MLLT10: variants seen among roughly 807,000 people sequenced by gnomAD.
MLLT10 encodes protein AF-10.
A neutral mutation model predicts 129.1 loss-of-function variants in MLLT10; 30 were observed. The ratio of observed to expected loss-of-function variants is 0.23; its 90% confidence interval spans 0.17 to 0.32. MLLT10 has a LOEUF of 0.32. Ranked by LOEUF, MLLT10 falls within the 10% of genes least tolerant of loss-of-function variation. MLLT10 has a pLI of 1.00. For synonymous variants in MLLT10, 490 were observed against 446.4 expected, an observed-to-expected ratio of 1.10 and a Z score of -1.23; for missense variants, 1,119 against 1,268.3, an observed-to-expected ratio of 0.88 and a Z score of 1.79.
intron 3 of MLLT10, among the ~76,000 whole-genome samples, chr10:21,555,575 C>T (rs1345025465): frequency 3.9e-5 from 6 of 152,024 alleles, no homozygotes; most frequent in African/African-American, 1.2e-4. Flanking sequence ...CTTTCTTCTG[C>T]TCCTTGAACT....
intron 3 of MLLT10, among the ~76,000 whole-genome samples, chr10:21,582,320 A>C (rs1170097418): frequency 1.3e-5 from 2 of 151,872 alleles, no homozygotes; most frequent in African/African-American, 4.8e-5. Flanking sequence ...GGGTTTCACC[A>C]TGTTGGCCAG....
intron 3 of MLLT10, chr10:21,564,603 A>C (rs1424764142): frequency 6.6e-6 from 1 of 151,860 alleles, no homozygotes; most frequent in Non-Finnish European, 1.5e-5. Context: ...TCCTCTGTTC[A>C]TCAGTTTTGG....
intron 3 of MLLT10, chr10:21,556,907 G>A (rs1490047857): frequency 3.2e-6 from 5 of 1,550,528 alleles, no homozygotes; most frequent in Non-Finnish European, 4.4e-6. Flanking sequence ...ATTTATCTCA[G>A]TTGTCATTTG....
chr10:21,592,753 C>T (rs903590391), intron 4 of MLLT10, among the ~76,000 whole-genome samples: 3 of 152,046 alleles, frequency 2.0e-5, no homozygotes, highest in Non-Finnish European at 2.9e-5. Flanking sequence ...CGTGAGCCAC[C>T]GCGCCCGGCC....
chr10:21,715,166 G>GAT (rs1454127904), intron 14 of MLLT10, among the ~76,000 whole-genome samples: 13 of 152,066 alleles, frequency 8.5e-5, no homozygotes, highest in Non-Finnish European at 8.8e-5. Context: ...GTGTTGTTAG[G>GAT]ATATATATAC....
intron 9 of MLLT10, among the ~76,000 whole-genome samples, chr10:21,660,215 C>T (rs893650672): frequency 2.6e-5 from 4 of 151,364 alleles, no homozygotes; most frequent in Admixed American, 6.6e-5. Flanking sequence ...CATTTGCCCC[C>T]CCTTAACCCA....
At chr10:21,598,683 G>A (rs116387218) in intron 5 of MLLT10, among the ~76,000 whole-genome samples, 2,841 of 152,226 alleles carry the variant, frequency 0.019, 84 homozygotes, top group African/African-American at 0.064. Context: ...TCCAGAGTTC[G>A]AAACCAGCCT....
chr10:21,675,652 C>T (rs929657307), intron 11 of MLLT10, among the ~76,000 whole-genome samples: 1 of 152,116 alleles, frequency 6.6e-6, no homozygotes, highest in African/African-American at 2.4e-5. Flanking sequence ...CAAATTTAGT[C>T]AAAAAATTGA....
chr10:21,655,529 T>C (rs919739278), intron 9 of MLLT10, among the ~76,000 whole-genome samples: 2 of 152,198 alleles, frequency 1.3e-5, no homozygotes, highest in Non-Finnish European at 2.9e-5. Flanking sequence ...TTTGATTTTT[T>C]TTTAAAAAGC....
At chr10:21,588,427 A>G (rs2042202778) in intron 4 of MLLT10, among the ~76,000 whole-genome samples, 2 of 152,036 alleles carry the variant, frequency 1.3e-5, no homozygotes, top group Non-Finnish European at 2.9e-5. Flanking sequence ...GTTATCTAAT[A>G]TCTAATCAAT....
chr10:21,674,164 T>G (rs1266073520), intron 11 of MLLT10, among the ~76,000 whole-genome samples: 4 of 152,230 alleles, frequency 2.6e-5, no homozygotes, highest in African/African-American at 9.6e-5. Flanking sequence ...AAATGTAGGC[T>G]AAACAATCTA....
At chr10:21,674,986 CAAAT>C (rs1317225034) in intron 11 of MLLT10, among the ~76,000 whole-genome samples, 1 of 36,936 alleles carries the variant, frequency 2.7e-5, no homozygotes, top group Non-Finnish European at 6.0e-5. Flanking sequence ...AATAAATAAA[CAAAT>C]AAGAAAGACC....
intron 3 of MLLT10, among the ~76,000 whole-genome samples, chr10:21,581,473 CAGTG>C (rs1295962098): frequency 1.3e-5 from 2 of 152,182 alleles, no homozygotes; most frequent in Admixed American, 6.5e-5. Context: ...CTGGGTGAGT[CAGTG>C]AGTAAGTGGT....
At chr10:21,736,746 CTT>C in intron 21 of MLLT10, among the ~76,000 whole-genome samples, 1 of 152,180 alleles carries the variant, frequency 6.6e-6, no homozygotes, top group Non-Finnish European at 1.5e-5. Context: ...CTTGAAATCT[CTT>C]TAGATGTACA....
At position 21,713,895 on chromosome 10, in the gene MLLT10, G is replaced by A; in HGVS notation, c.1823G>A (p.Gly608Glu). 3 of 1,613,964 alleles carry A rather than the reference G, an allele frequency of 1.9e-6. No homozygotes were observed. Among genetic ancestry groups the A allele is most frequent in the Non-Finnish European group, 2.5e-6 (3 of 1,179,952 alleles). Residue 608 changes from glycine (G) to glutamate (E), a missense_variant, in exon 14 of 23, where the codon GGA becomes GAA. Gly to Glu is a moderately conservative substitution (Grantham distance 98). Coordinates refer to ENST00000307729, the MANE Select transcript of MLLT10 (RefSeq NM_001195626.3). ...TCTTCTGGGCATTTGCAACAAGTAG[G>A]AGCGCTCTCTCCCTCAGCTGTGTCA... ...QQSSGHLQQV[G>E]ALSPSAVSSA... is the part of the protein sequence containing the mutation.
chr10:21,588,147 A>G (rs1589106813), intron 4 of MLLT10, among the ~76,000 whole-genome samples: 1 of 151,658 alleles, frequency 6.6e-6, no homozygotes, highest in Non-Finnish European at 1.5e-5. Context: ...GCTCACTGCA[A>G]CCTCCACCTT....
At chr10:21,572,567 G>A (rs981437281) in intron 3 of MLLT10, among the ~76,000 whole-genome samples, 6 of 151,502 alleles carry the variant, frequency 4.0e-5, no homozygotes, top group African/African-American at 1.5e-4. Flanking sequence ...CTGAGCAGTC[G>A]TTTGTTGCTT....
intron 4 of MLLT10, among the ~76,000 whole-genome samples, chr10:21,587,231 T>G (rs879839095): frequency 1.3e-5 from 2 of 151,440 alleles, no homozygotes; most frequent in Non-Finnish European, 2.9e-5. Context: ...GAGACCTTGG[T>G]CTCTGCAAAA....
chr10:21,730,075 C>T (rs887361875), intron 16 of MLLT10, among the ~76,000 whole-genome samples: 3 of 152,068 alleles, frequency 2.0e-5, no homozygotes, highest in African/African-American at 7.2e-5. Flanking sequence ...GGAGACTAAG[C>T]TGGGCAACAT....
Sources: allele counts gnomAD v4.1 joint callset (sites outside exome capture counted in the v4.1 genomes callset), GRCh38; gene constraint gnomAD v4.1.1; transcripts MANE v1.5; gene names NCBI Gene and HGNC (gene_info 2026-07-23, HGNC 2026-07-21).